The following AGBL4 variants were observed in gnomAD, a reference collection of about 807,000 sequenced individuals.
AGBL4 encodes AGBL carboxypeptidase 4.
A neutral mutation model predicts 66.4 loss-of-function variants in AGBL4; 58 were observed. The ratio of observed to expected loss-of-function variants is 0.87; its 90% CI spans 0.71 to 1.09. The LOEUF (loss-of-function observed/expected upper bound fraction) is 1.09, where lower values mean the gene tolerates loss of function less well. Among genes scored for constraint, AGBL4 ranks in the 50% least tolerant of loss-of-function variants. The pLI, the probability that AGBL4 is intolerant of heterozygous loss-of-function variation, is 0.00. For missense variants in AGBL4, 579 were observed against 631.0 expected, an observed-to-expected ratio of 0.92 and a Z score of 0.88; for synonymous variants, 234 against 222.9, an observed-to-expected ratio of 1.05 and a Z score of -0.44.
intron 4 of AGBL4, among the ~76,000 whole-genome samples, chr1:49,068,976 G>A (rs554825176): frequency 6.6e-6 from 1 of 152,150 alleles, no homozygotes; most frequent in Non-Finnish European, 1.5e-5. Context: ...TTTCTCTGAT[G>A]ACCAGTGATG....
intron 5 of AGBL4, among the ~76,000 whole-genome samples, chr1:49,018,989 A>G (rs954722866): frequency 1.3e-5 from 2 of 152,152 alleles, no homozygotes; most frequent in Non-Finnish European, 2.9e-5. Flanking sequence ...AAAACAAACG[A>G]TTCTGGCTTC....
chr1:49,246,940 G>T (rs766554470), intron 3 of AGBL4, among the ~76,000 whole-genome samples: 1 of 151,980 alleles, frequency 6.6e-6, no homozygotes, highest in Non-Finnish European at 1.5e-5. Flanking sequence ...TCAAGTGACA[G>T]TAATTGTATA....
At chr1:48,902,942 T>C (rs1483638237) in intron 5 of AGBL4, among the ~76,000 whole-genome samples, 1 of 152,174 alleles carries the variant, frequency 6.6e-6, no homozygotes, top group African/African-American at 2.4e-5. Context: ...TCTTCTGCAG[T>C]CCTCTGGCTC....
chr1:49,721,191 A>G (rs1248888237), intron 2 of AGBL4, among the ~76,000 whole-genome samples: 1 of 152,166 alleles, frequency 6.6e-6, no homozygotes, highest in Admixed American at 6.6e-5. Context: ...AGGCACTCTG[A>G]TAAGACAAAA....
chr1:48,885,575 T>C (rs1176107318), intron 5 of AGBL4, among the ~76,000 whole-genome samples: 3 of 152,176 alleles, frequency 2.0e-5, no homozygotes, highest in Non-Finnish European at 2.9e-5. Flanking sequence ...GAGTTCCTTT[T>C]TCAAAAAGCA....
intron 3 of AGBL4, among the ~76,000 whole-genome samples, chr1:49,391,722 C>T (rs980987657): frequency 1.3e-4 from 19 of 151,914 alleles, no homozygotes; most frequent in Admixed American, 7.2e-4. Flanking sequence ...CCACCACACC[C>T]GGCTAATTTT....
rs557955344 is a variant in AGBL4 at position 49,243,936 on chromosome 1, T to C, written c.377+1834A>G. Among the ~76,000 whole-genome samples, 278 of 151,974 alleles carry C rather than the reference T, an allele frequency of 1.8e-3. 1 individual carries two copies. Among genetic ancestry groups the C allele is most frequent in the African/African-American group, 6.5e-3 (270 of 41,538 alleles). On this transcript the variant is annotated intron_variant, in intron 4 of 13. Coordinates refer to ENST00000371839, the MANE Select transcript of AGBL4 (RefSeq NM_032785.4). ...AGTCCAATGACTGGATAACGGCTGC[T>C]GCTGATTGCCTGCCAACATTGCATA...
intron 9 of AGBL4, among the ~76,000 whole-genome samples, chr1:48,597,066 CT>C (rs1319672120): frequency 2.0e-5 from 3 of 152,154 alleles, no homozygotes; most frequent in Non-Finnish European, 2.9e-5. Context: ...TGCTTATCCT[CT>C]TCCTTTCACC....
chr1:48,695,097 C>G (rs868204026), intron 6 of AGBL4, among the ~76,000 whole-genome samples: 2 of 152,188 alleles, frequency 1.3e-5, no homozygotes, highest in African/African-American at 4.8e-5. Context: ...CTGTGTCACT[C>G]AGAGAATATA....
intron 5 of AGBL4, among the ~76,000 whole-genome samples, chr1:48,936,811 G>A (rs529699635): frequency 2.6e-5 from 4 of 152,208 alleles, no homozygotes; most frequent in African/African-American, 9.6e-5. Context: ...TTTTATGGAT[G>A]GAGAAACTCA....
chr1:49,565,216 G>A (rs1304343876), intron 3 of AGBL4, among the ~76,000 whole-genome samples: 1 of 152,110 alleles, frequency 6.6e-6, no homozygotes, highest in Non-Finnish European at 1.5e-5. Context: ...CATGAGATGG[G>A]TTTCTTGAAT....
At chr1:49,022,606 T>C (rs1283924708) in intron 5 of AGBL4, among the ~76,000 whole-genome samples, 1 of 152,128 alleles carries the variant, frequency 6.6e-6, no homozygotes, top group Non-Finnish European at 1.5e-5. Flanking sequence ...AGTAATGAGT[T>C]GGAGCTCGTT....
intron 1 of AGBL4, among the ~76,000 whole-genome samples, chr1:49,936,462 A>G (rs1433937707): frequency 6.6e-6 from 1 of 152,182 alleles, no homozygotes; most frequent in African/African-American, 2.4e-5. Flanking sequence ...GCAGGCCAAC[A>G]TTCAGATTCA....
chr1:48,888,707 C>T (rs903504718), intron 5 of AGBL4, among the ~76,000 whole-genome samples: 15 of 152,052 alleles, frequency 9.9e-5, no homozygotes, highest in African/African-American at 3.4e-4. Flanking sequence ...TCAGTTAGTT[C>T]TTTATAGCAA....
chr1:49,381,594 C>G (rs1644611547), intron 3 of AGBL4, among the ~76,000 whole-genome samples: 1 of 152,114 alleles, frequency 6.6e-6, no homozygotes, highest in Non-Finnish European at 1.5e-5. Flanking sequence ...TTGGAACCAA[C>G]CCAAATGTCT....
At chr1:49,769,478 A>T (rs562038103) in intron 2 of AGBL4, among the ~76,000 whole-genome samples, 1 of 152,262 alleles carries the variant, frequency 6.6e-6, no homozygotes, top group Non-Finnish European at 1.5e-5. Flanking sequence ...TAAAATTCAT[A>T]TGGATCCAAA....
At chr1:49,867,312 G>T (rs978251183) in intron 1 of AGBL4, among the ~76,000 whole-genome samples, 4 of 148,186 alleles carry the variant, frequency 2.7e-5, no homozygotes, top group African/African-American at 9.9e-5. Context: ...TTCCTTTTGG[G>T]CTTCTTTTAT....
chr1:48,697,791 G>A (rs1330530698), intron 6 of AGBL4, among the ~76,000 whole-genome samples: 1 of 152,214 alleles, frequency 6.6e-6, no homozygotes, highest in Non-Finnish European at 1.5e-5. Context: ...TAGATCTGGA[G>A]CCTGAAATCA....
intron 3 of AGBL4, chr1:49,268,169 T>G (rs1044667727): frequency 1.3e-5 from 2 of 152,156 alleles, no homozygotes; most frequent in African/African-American, 4.8e-5. Context: ...CAACCTATAA[T>G]GCACCCCATG....
Sources: gnomAD v4.1 joint callset for allele counts (sites outside exome capture counted in the v4.1 genomes callset) on GRCh38, gnomAD v4.1.1 for gene constraint, MANE v1.5 for transcripts, NCBI Gene and HGNC (gene_info 2026-07-23, HGNC 2026-07-21) for gene names.